Variants in CEP112 observed in about 807,000 individuals in gnomAD.
CEP112 encodes the protein centrosomal protein 112.
Under a neutral mutation model 153.0 loss-of-function variants are expected in CEP112, and 127 were observed. The ratio of observed to expected loss-of-function variants is 0.83; its 90% CI spans 0.72 to 0.96. The LOEUF is 0.96. Among genes scored for constraint, CEP112 ranks in the 40% least tolerant of loss-of-function variants. The pLI, the probability that CEP112 is intolerant of heterozygous loss-of-function variation, is 0.00. For missense variants in CEP112, 1,089 were observed against 1,101.2 expected, an observed-to-expected ratio of 0.99 and a Z score of 0.16; for synonymous variants, 358 against 374.4, an observed-to-expected ratio of 0.96 and a Z score of 0.51.
intron 18 of CEP112, among the ~76,000 whole-genome samples, chr17:65,929,913 G>C (rs564785212): frequency 5.4e-4 from 82 of 152,318 alleles, no homozygotes; most frequent in African/African-American, 1.9e-3. Flanking sequence ...ATGATCAGAT[G>C]CAATGAGAAA....
chr17:65,866,203 G>A (rs1040371251), intron 20 of CEP112, among the ~76,000 whole-genome samples: 3 of 152,172 alleles, frequency 2.0e-5, no homozygotes, highest in Admixed American at 6.5e-5. Flanking sequence ...CCCTGCTCCC[G>A]GCACCCACTC....
chr17:66,136,794 C>T (rs1002610695), intron 4 of CEP112, among the ~76,000 whole-genome samples: 1 of 152,090 alleles, frequency 6.6e-6, no homozygotes, highest in Non-Finnish European at 1.5e-5. Context: ...CAGAAAATCC[C>T]ACTATTTAGA....
intron 4 of CEP112, among the ~76,000 whole-genome samples, chr17:66,139,467 TG>T (rs1242719153): frequency 1.3e-5 from 2 of 152,004 alleles, no homozygotes; most frequent in South Asian, 2.1e-4. Flanking sequence ...AAAAATTAGC[TG>T]GATGTGGTGG....
At chr17:66,079,607 A>G (rs551397135) in intron 8 of CEP112, among the ~76,000 whole-genome samples, 2 of 152,330 alleles carry the variant, frequency 1.3e-5, no homozygotes, top group South Asian at 4.1e-4. Flanking sequence ...ATTCAATGCT[A>G]TCCCCATCAA....
At chr17:66,109,757 T>C (rs944991192) in intron 6 of CEP112, among the ~76,000 whole-genome samples, 6 of 152,160 alleles carry the variant, frequency 3.9e-5, no homozygotes, top group Admixed American at 6.5e-5. Context: ...AGGGTTTTTG[T>C]AAAACTTATA....
chr17:66,121,074 T>C (rs1424277926), intron 6 of CEP112, among the ~76,000 whole-genome samples: 1 of 151,736 alleles, frequency 6.6e-6, no homozygotes, highest in Non-Finnish European at 1.5e-5. Context: ...AGGTTGGGAG[T>C]TCGAGACCAG....
intron 6 of CEP112, among the ~76,000 whole-genome samples, chr17:66,125,516 T>TA (rs1002990917): frequency 3.3e-5 from 5 of 149,916 alleles, no homozygotes; most frequent in Admixed American, 6.7e-5. Context: ...ACCCTGTCTC[T>TA]AAAAAAAAGA....
chr17:65,640,010 G>A (rs1264344599), intron 25 of CEP112, among the ~76,000 whole-genome samples: 1 of 149,182 alleles, frequency 6.7e-6, no homozygotes, highest in Admixed American at 6.7e-5. Flanking sequence ...GCTAATTTTT[G>A]TATTTTTAGT....
intron 23 of CEP112, among the ~76,000 whole-genome samples, chr17:65,692,224 A>AT (rs35586515): frequency 0.06 from 7,550 of 126,840 alleles, 293 homozygotes; most frequent in Middle Eastern, 0.079. Flanking sequence ...CTGCACTGGA[A>AT]TTTTTTTTTT....
rs151095214 is a variant in CEP112 at position 65,826,304 on chromosome 17, G to A, written c.2394+25500C>T. 2.6e-4 allele frequency: 413 copies of A among 1,613,970 alleles called. 5 individuals are homozygous for A. The African/African-American group carries it at 4.2e-3, about 16-fold the overall frequency. ...TAAACTCAGAGAAGCCCACATCTTC[G>A]TTGACCCCCATTAAGATCTCAGAAG... is the stretch of plus-strand genomic sequence containing the variant. On this transcript the variant is annotated intron_variant, in intron 21 of 26. Coordinates refer to ENST00000535342, the MANE Select transcript of CEP112 (RefSeq NM_001199165.4).
chr17:66,135,669 T>C (rs1467545896), intron 4 of CEP112, among the ~76,000 whole-genome samples: 3 of 152,164 alleles, frequency 2.0e-5, no homozygotes, highest in Non-Finnish European at 4.4e-5. Context: ...CCTTTACTAC[T>C]CTTAAGCCAT....
Position 66,169,506 on chromosome 17 carries a change from G to C in CEP112, c.470+5538C>G, listed in dbSNP as rs565900496. On this transcript the variant is annotated intron_variant, in intron 4 of 26. Transcript: ENST00000535342. The stretch of plus-strand genomic sequence containing the variant: ...TCACCATATTGGCCAAGCTGGTATC[G>C]AACTCCTGACCTTGTGATCCGCCCG... 3.0e-3 allele frequency among the ~76,000 whole-genome samples: 460 copies of C among 151,980 alleles called. 2 individuals carry two copies. Among genetic ancestry groups the C allele is most frequent in the African/African-American group, 0.01 (432 of 41,446 alleles).
chr17:65,957,145 G>C (rs903680877), intron 18 of CEP112, among the ~76,000 whole-genome samples: 1 of 152,166 alleles, frequency 6.6e-6, no homozygotes. Flanking sequence ...TTGATGGAAG[G>C]TAACTGAAAC....
In CEP112 at chr17:66,052,387, C is replaced by A. The variant is rs146477674; in HGVS notation, c.1218+1349G>T. 1.8e-4 allele frequency among the ~76,000 whole-genome samples: 28 copies of A among 152,298 alleles called. No individual in the cohort carries two copies. The East Asian group carries it at 4.8e-3, about 26-fold the overall frequency. On this transcript the variant is annotated intron_variant, in intron 12 of 26. Coordinates refer to ENST00000535342, the MANE Select transcript of CEP112 (RefSeq NM_001199165.4). Reference sequence around the variant, plus strand: ...GAACACGGACATGAGGAGCTCTGAGCCACATGCAGAGTAGCCTTCCAGCAA... The same window carrying A: ...GAACACGGACATGAGGAGCTCTGAGACACATGCAGAGTAGCCTTCCAGCAA...
chr17:66,047,231 C>T (rs1404257792), intron 12 of CEP112, among the ~76,000 whole-genome samples: 1 of 152,194 alleles, frequency 6.6e-6, no homozygotes, highest in Non-Finnish European at 1.5e-5. Flanking sequence ...ATTCTCCTGC[C>T]TCAGCCTCCT....
intron 17 of CEP112, among the ~76,000 whole-genome samples, chr17:65,974,858 GACAAC>G (rs2062973097): frequency 6.6e-6 from 1 of 151,932 alleles, no homozygotes; most frequent in Non-Finnish European, 1.5e-5. Flanking sequence ...GAATGGCAAA[GACAAC>G]ACAGAAGGAA....
In CEP112 at chr17:65,641,010, G is replaced by A. The variant is rs1271944104; in HGVS notation, c.2753C>T (p.Ser918Phe). The change falls in exon 25 of 27, where the codon TCC (serine) becomes TTC (phenylalanine). Residue 918 changes from serine to phenylalanine, a missense_variant. By Grantham distance (155) the Ser-to-Phe change is radical. Transcript: ENST00000535342. ...GGTGTCTTCAAGTTCTTGTCTTAGG[G>A]ATGCTGGCATCAATCCTTTCAATTT... ...ETKLKGLMPA[S>F]LRQELEDTIS... 8 of 1,611,684 alleles carry A rather than the reference G, an allele frequency of 5.0e-6. No homozygotes were observed. The highest frequency in any genetic ancestry group is 5.1e-6 in the Non-Finnish European group (6 of 1,178,040).
At chr17:65,654,864 A>T in intron 24 of CEP112, 1 of 467,996 alleles carries the variant, frequency 2.1e-6, no homozygotes, top group Admixed American at 2.8e-5. Context: ...ATTCTGAATA[A>T]GATTGAGGTT....
At chr17:66,085,366 T>C (rs369476491) in intron 8 of CEP112, among the ~76,000 whole-genome samples, 3 of 152,310 alleles carry the variant, frequency 2.0e-5, no homozygotes, top group East Asian at 1.9e-4. Flanking sequence ...TGCAGCCCTA[T>C]GCAGACATAA....
Sources: gnomAD v4.1 joint callset for allele counts (sites outside exome capture counted in the v4.1 genomes callset) on GRCh38, gnomAD v4.1.1 for gene constraint, MANE v1.5 for transcripts, NCBI Gene and HGNC (gene_info 2026-07-23, HGNC 2026-07-21) for gene names.